Variants in HPR observed in about 807,000 individuals in gnomAD.
The protein encoded by HPR is Haptoglobin-related locus.
HPR carries 17 observed loss-of-function variants against 18.5 expected under a neutral mutation model. The observed-to-expected ratio is 0.92, with a 90% CI of 0.63 to 1.38. The LOEUF (loss-of-function observed/expected upper bound fraction) is 1.38, where lower values mean the gene tolerates loss of function less well. Ranked by LOEUF, HPR falls within the 40% of genes most tolerant of loss-of-function variation. HPR has a pLI of 0.00. For synonymous variants in HPR, 176 were observed against 165.0 expected (o/e 1.07, Z -0.51); for missense variants, 457 against 432.4 (o/e 1.06, Z -0.51).
Position 72,076,928 on chromosome 16 carries a change from C to A in HPR, c.894C>A (p.Gly298=). The A allele has an allele frequency of 2.5e-6, 4 of 1,614,242 alleles. No individual in the cohort carries two copies. Among genetic ancestry groups the A allele is most frequent in the Non-Finnish European group, 3.4e-6 (4 of 1,180,056 alleles). ...YQEDTCYGDA[G]SAFAVHDLEE... is the part of the protein sequence containing the mutation. ...AAGACACCTGCTATGGCGATGCGGGCAGTGCCTTTGCCGTTCACGACCTGG... is the reference window on the plus strand; with the variant it reads ...AAGACACCTGCTATGGCGATGCGGGAAGTGCCTTTGCCGTTCACGACCTGG... Residue 298 remains glycine (G), a synonymous_variant, in exon 5 of 5, where the codon GGC becomes GGA. Transcript: ENST00000540303.
intron 1 of HPR, among the ~76,000 whole-genome samples, chr16:72,071,833 C>T (rs1285873019): frequency 6.6e-6 from 1 of 152,190 alleles, no homozygotes; most frequent in African/African-American, 2.4e-5. Flanking sequence ...ACAAGAGAGG[C>T]CCCTCATGGG....
intron 4 of HPR, among the ~76,000 whole-genome samples, chr16:72,075,818 CTTTT>C (rs1318311485): frequency 6.6e-6 from 1 of 151,112 alleles, no homozygotes; most frequent in Non-Finnish European, 1.5e-5. Flanking sequence ...CTAGCCCTTT[CTTTT>C]TTCTTTCTTT....
chr16:72,076,676 TGCAGAAGTAG>T lies in HPR; in HGVS notation c.644_653del (p.Ala215GlyfsTer21), dbSNP rs1567591503. The T allele has an allele frequency of 1.9e-6, 3 of 1,614,200 alleles. No homozygotes were observed. In the South Asian group the frequency reaches 3.3e-5, roughly 18 times the overall value. On this transcript the variant is annotated frameshift_variant, in exon 5 of 5. Coordinates refer to ENST00000540303, the MANE Select transcript of HPR (RefSeq NM_020995.4). LOFTEE classifies it low-confidence loss of function (END_TRUNC). ...CCATCTGCCTACCTTCAAAGAATTA[TGCAGAAGTAG>T]GGCGTGTGGGTTACGTGTCTGGCTG...
intron 1 of HPR, among the ~76,000 whole-genome samples, chr16:72,072,456 C>T (rs1462388127): frequency 6.6e-6 from 1 of 152,182 alleles, no homozygotes; most frequent in East Asian, 1.9e-4. Context: ...GAACCCGATG[C>T]TATACTTTTA....
chr16:72,074,743 T>A, intron 3 of HPR: 1 of 701,266 alleles, frequency 1.4e-6, no homozygotes, highest in East Asian at 2.7e-5. Flanking sequence ...GGCTTTATAT[T>A]TATTTGCTCA....
At chr16:72,074,529 G>A (rs889771234) in intron 3 of HPR, 144 bp downstream of exon 3, 26 of 807,452 alleles carry the variant, frequency 3.2e-5, no homozygotes, top group South Asian at 7.1e-5. Context: ...GCGTTTTGTC[G>A]CCAGTAGCCA....
At chr16:72,071,553 A>G (rs916338847) in intron 1 of HPR, among the ~76,000 whole-genome samples, 1 of 152,132 alleles carries the variant, frequency 6.6e-6, no homozygotes, top group African/African-American at 2.4e-5. Flanking sequence ...CCGTTTCCCA[A>G]TGCCAATTTT....
Position 72,076,381 on chromosome 16 carries a change from C to A in HPR, c.347C>A (p.Pro116His), listed in dbSNP as rs368895094. Residue 116 changes from proline to histidine, a missense_variant, in exon 5 of 5, where the codon CCC becomes CAC. By Grantham distance (77) the Pro-to-His change is moderately conservative (BLOSUM62 -2). Transcript: ENST00000540303. The part of the protein sequence containing the change: ...GGHLDAKGSF[P>H]WQAKMVSHHN... ...CACCTGGATGCCAAAGGCAGCTTTC[C>A]CTGGCAGGCTAAGATGGTTTCCCAC... 1.2e-6 allele frequency: 2 copies of A among 1,614,110 alleles called. No homozygotes were observed. Among genetic ancestry groups the A allele is most frequent in the Non-Finnish European group, 1.7e-6 (2 of 1,180,014 alleles).
intron 1 of HPR, among the ~76,000 whole-genome samples, chr16:72,068,587 G>A (rs763291610): frequency 2.0e-5 from 3 of 152,038 alleles, no homozygotes; most frequent in Non-Finnish European, 4.4e-5. Context: ...TCACCTTTTC[G>A]TCAGCGTGAA....
intron 1 of HPR, among the ~76,000 whole-genome samples, chr16:72,065,816 A>G (rs1230127398): frequency 1.3e-5 from 2 of 152,162 alleles, no homozygotes; most frequent in African/African-American, 2.4e-5. Flanking sequence ...TCTCAAATTG[A>G]GAAGTCAGAC....
intron 1 of HPR, among the ~76,000 whole-genome samples, chr16:72,071,337 G>A (rs1371275812): frequency 6.6e-6 from 1 of 152,202 alleles, no homozygotes; most frequent in South Asian, 2.1e-4. Flanking sequence ...AAACAAATAT[G>A]AATGTTATGC....
At chr16:72,069,291 A>G (rs2041630858) in intron 1 of HPR, among the ~76,000 whole-genome samples, 1 of 152,168 alleles carries the variant, frequency 6.6e-6, no homozygotes, top group African/African-American at 2.4e-5. Context: ...AGTACTGGAT[A>G]ACCTTCAGTT....
chr16:72,068,265 A>G (rs2041618575), intron 1 of HPR, among the ~76,000 whole-genome samples: 1 of 152,152 alleles, frequency 6.6e-6, no homozygotes, highest in South Asian at 2.1e-4. Flanking sequence ...TATGGAGCCT[A>G]AAGTTAAATA....
At chr16:72,074,679 G>A in intron 3 of HPR, 2 of 707,394 alleles carry the variant, frequency 2.8e-6, no homozygotes, top group East Asian at 2.7e-5. Flanking sequence ...AAGGAATGCT[G>A]ATGATGATGT....
chr16:72,074,213 C>G, intron 2 of HPR, 71 bp from the exon 3 acceptor site: 1 of 1,402,812 alleles, frequency 7.1e-7, no homozygotes, highest in Non-Finnish European at 1.0e-6. Context: ...AGCTTCCACT[C>G]ATCTGACTTT....
chr16:72,064,193 G>A (rs180745016), intron 1 of HPR, among the ~76,000 whole-genome samples: 63 of 151,998 alleles, frequency 4.1e-4, no homozygotes, highest in African/African-American at 1.4e-3. Context: ...CTGGCATTTT[G>A]GGGTTTGAGA....
intron 1 of HPR, among the ~76,000 whole-genome samples, chr16:72,071,093 A>T (rs1448094113): frequency 2.0e-5 from 3 of 151,968 alleles, no homozygotes; most frequent in African/African-American, 7.2e-5. Context: ...ATCTTCAACC[A>T]CTGGTTAACA....
Position 72,076,806 on chromosome 16 carries a change from A to G in HPR, c.772A>G (p.Ser258Gly), listed in dbSNP as rs2041734032. 1.2e-6 allele frequency: 2 copies of G among 1,614,138 alleles called. No homozygotes were observed. Among genetic ancestry groups the G allele is most frequent in the East Asian group, 4.5e-5 (2 of 44,900 alleles). Residue 258 changes from serine (S) to glycine (G), a missense_variant, in exon 5 of 5, where the codon AGC becomes GGC. Ser to Gly is a moderately conservative substitution (Grantham distance 56). Coordinates refer to ENST00000540303, the MANE Select transcript of HPR (RefSeq NM_020995.4). Reference protein sequence around the residue: ...QYDCITHYEGSTCPKWKAPKS... With the variant: ...QYDCITHYEGGTCPKWKAPKS... ...CGATTGCATAACGCATTATGAAGGC[A>G]GCACATGCCCCAAATGGAAGGCACC...
intron 3 of HPR, chr16:72,074,647 T>C: frequency 1.4e-6 from 1 of 711,568 alleles, no homozygotes; most frequent in East Asian, 2.7e-5. Flanking sequence ...CAGATTTACA[T>C]CTCCAGCAGA....
Sources: allele counts gnomAD v4.1 joint callset (sites outside exome capture counted in the v4.1 genomes callset), GRCh38; gene constraint gnomAD v4.1.1; transcripts MANE v1.5; gene names NCBI Gene and HGNC (gene_info 2026-07-23, HGNC 2026-07-21).